Variants in THADA observed in about 807,000 individuals in gnomAD.
The protein encoded by THADA is tRNA (32-2'-O)-methyltransferase regulator THADA.
In THADA, 213 loss-of-function variants were observed where a neutral mutation model predicts 219.8. The observed-to-expected ratio is 0.97, with a 90% CI of 0.87 to 1.09. The LOEUF is 1.09. Ranked by LOEUF, THADA falls within the 50% of genes least tolerant of loss-of-function variation. The pLI, the probability that THADA is intolerant of heterozygous loss-of-function variation, is 0.00. For synonymous variants in THADA, 1,018 were observed against 828.9 expected, an observed-to-expected ratio of 1.23 and a Z score of -3.92; for missense variants, 2,956 against 2,311.3, an observed-to-expected ratio of 1.28 and a Z score of -5.72.
chr2:43,391,269 G>A (rs962844610), intron 29 of THADA, among the ~76,000 whole-genome samples: 5 of 152,052 alleles, frequency 3.3e-5, no homozygotes, highest in Non-Finnish European at 7.4e-5. Context: ...AACACCTGAG[G>A]ACACATCAAA....
At chr2:43,497,968 A>T (rs1396238461) in intron 25 of THADA, among the ~76,000 whole-genome samples, 2 of 152,166 alleles carry the variant, frequency 1.3e-5, no homozygotes, top group Non-Finnish European at 2.9e-5. Context: ...ATATCTATGT[A>T]AAAAACCTGC....
chr2:43,567,117 G>T (rs1348741993), intron 14 of THADA, among the ~76,000 whole-genome samples: 2 of 150,726 alleles, frequency 1.3e-5, no homozygotes, highest in Admixed American at 6.6e-5. Context: ...GAGTCTCGCT[G>T]GGTTCAACAG....
chr2:43,409,113 A>C (rs1675958283), intron 28 of THADA, among the ~76,000 whole-genome samples: 1 of 152,218 alleles, frequency 6.6e-6, no homozygotes, highest in South Asian at 2.1e-4. Flanking sequence ...GGGTTAAATG[A>C]ATCTTCCCAG....
chr2:43,582,373 C>T (rs550007838), intron 7 of THADA, among the ~76,000 whole-genome samples: 277 of 151,502 alleles, frequency 1.8e-3, no homozygotes, highest in African/African-American at 6.6e-3. Context: ...GGCACATGCC[C>T]GTAATCCCAG....
chr2:43,391,246 C>T (rs979810765), intron 29 of THADA, among the ~76,000 whole-genome samples: 1 of 152,102 alleles, frequency 6.6e-6, no homozygotes, highest in Non-Finnish European at 1.5e-5. Flanking sequence ...TACTCTGATC[C>T]TGAACAGTTA....
At chr2:43,386,031 C>G (rs1029577214) in intron 29 of THADA, among the ~76,000 whole-genome samples, 3 of 152,064 alleles carry the variant, frequency 2.0e-5, no homozygotes, top group African/African-American at 7.2e-5. Context: ...AATACCTATT[C>G]CATATGAACA....
intron 30 of THADA, among the ~76,000 whole-genome samples, chr2:43,337,997 A>T (rs1265822815): frequency 2.0e-5 from 3 of 152,174 alleles, no homozygotes; most frequent in African/African-American, 7.2e-5. Flanking sequence ...ACTTCAGATG[A>T]ATGATGGGGT....
intron 28 of THADA, among the ~76,000 whole-genome samples, chr2:43,425,231 T>A (rs1442058980): frequency 6.6e-6 from 1 of 152,180 alleles, no homozygotes; most frequent in East Asian, 1.9e-4. Flanking sequence ...TGATAACACC[T>A]CTTCTCAGAG....
At chr2:43,433,104 G>GTA (rs1437635301) in intron 26 of THADA, among the ~76,000 whole-genome samples, 1 of 151,994 alleles carries the variant, frequency 6.6e-6, no homozygotes, top group Non-Finnish European at 1.5e-5. Flanking sequence ...TTACATTGAG[G>GTA]TCTATGATCC....
intron 31 of THADA, among the ~76,000 whole-genome samples, chr2:43,316,693 C>T (rs954824671): frequency 5.3e-5 from 8 of 152,196 alleles, no homozygotes; most frequent in African/African-American, 1.9e-4. Context: ...TTAGGGAGGC[C>T]GAGGCGGGTG....
intron 34 of THADA, among the ~76,000 whole-genome samples, chr2:43,288,286 C>T (rs1056655604): frequency 1.8e-4 from 27 of 152,120 alleles, no homozygotes; most frequent in Admixed American, 1.7e-3. Context: ...GACATGGTGG[C>T]GCGTGCCTGT....
At chr2:43,558,611 G>T (rs956454529) in intron 16 of THADA, among the ~76,000 whole-genome samples, 2 of 152,138 alleles carry the variant, frequency 1.3e-5, no homozygotes, top group Non-Finnish European at 2.9e-5. Context: ...CTTCTCCCAT[G>T]CTGGATGCTT....
At chr2:43,442,367 C>T (rs1039650427) in intron 26 of THADA, among the ~76,000 whole-genome samples, 1 of 151,986 alleles carries the variant, frequency 6.6e-6, no homozygotes, top group Non-Finnish European at 1.5e-5. Flanking sequence ...ACCCAGGAGG[C>T]GGAGGTTGCA....
intron 36 of THADA, among the ~76,000 whole-genome samples, chr2:43,256,575 C>T (rs1215364139): frequency 6.6e-6 from 1 of 150,388 alleles, no homozygotes; most frequent in Non-Finnish European, 1.5e-5. Context: ...CCATTCCTGG[C>T]TAATTAAAAA....
At chr2:43,392,943 T>C (rs900218031) in intron 29 of THADA, among the ~76,000 whole-genome samples, 1 of 152,182 alleles carries the variant, frequency 6.6e-6, no homozygotes, top group African/African-American at 2.4e-5. Flanking sequence ...CACCTTCTCA[T>C]GGTCCTATCA....
At chr2:43,286,839 T>C in intron 35 of THADA, 69 bp downstream of exon 35, 1 of 1,552,992 alleles carries the variant, frequency 6.4e-7, no homozygotes, top group South Asian at 1.2e-5. Context: ...TTCCCTTTTT[T>C]TAGGCAAGAA....
At chr2:43,373,542 T>C (rs895662573) in intron 29 of THADA, among the ~76,000 whole-genome samples, 2 of 152,046 alleles carry the variant, frequency 1.3e-5, no homozygotes, top group Non-Finnish European at 2.9e-5. Flanking sequence ...AGTGGCACGA[T>C]TTTGGCTCAC....
intron 26 of THADA, chr2:43,430,568 G>T (rs1679103917): frequency 2.1e-6 from 1 of 476,416 alleles, no homozygotes; most frequent in South Asian, 1.7e-5. Flanking sequence ...TTTTATCAGG[G>T]AAGAAATATG....
intron 25 of THADA, among the ~76,000 whole-genome samples, chr2:43,488,333 C>T (rs968755240): frequency 3.3e-5 from 5 of 152,146 alleles, no homozygotes; most frequent in Non-Finnish European, 7.3e-5. Flanking sequence ...AGCCGTTAGT[C>T]GTCACTCCCT....
Sources: gnomAD v4.1 joint callset for allele counts (sites outside exome capture counted in the v4.1 genomes callset) on GRCh38, gnomAD v4.1.1 for gene constraint, MANE v1.5 for transcripts, NCBI Gene and HGNC (gene_info 2026-07-23, HGNC 2026-07-21) for gene names.